E2F2: variants seen among roughly 807,000 people sequenced by gnomAD.
E2F2 encodes the protein transcription factor E2F2.
In E2F2, 22 loss-of-function variants were observed where a neutral mutation model predicts 42.2. The observed-to-expected ratio is 0.52, with a 90% confidence interval of 0.37 to 0.74. The LOEUF is 0.74. E2F2 is among the 30% of genes least tolerant of loss of function. The pLI, the probability that E2F2 is intolerant of heterozygous loss-of-function variation, is 0.00. For missense variants in E2F2, 481 were observed against 557.8 expected (o/e 0.86, Z 1.39); for synonymous variants, 248 against 251.6 (o/e 0.99, Z 0.13).
chr1:23,510,447 T>G (rs899873041), intron 6 of E2F2, among the ~76,000 whole-genome samples: 8 of 152,120 alleles, frequency 5.3e-5, no homozygotes, highest in Admixed American at 4.6e-4. Flanking sequence ...CACCTGAGCC[T>G]CCCGAGTAGC....
Position 23,526,147 on chromosome 1 carries a change from A to G in E2F2, c.253-1659T>C, listed in dbSNP as rs1473903101. Among the ~76,000 whole-genome samples, 4 of 151,942 alleles carry G rather than the reference A, an allele frequency of 2.6e-5. No homozygotes were observed. The East Asian group carries it at 7.7e-4, about 29-fold the overall frequency. ...AAACCATCCAAACACTTTACTGCTC[A>G]TTCTTGAATGAGTCTCTTGAATATT... On this transcript the variant is annotated intron_variant, in intron 1 of 6. Transcript: ENST00000361729.
At chr1:23,521,190 CTCTCAGGG>C in intron 3 of E2F2, 119 bp from the exon 4 acceptor site, 2 of 1,188,802 alleles carry the variant, frequency 1.7e-6, no homozygotes, top group Non-Finnish European at 2.2e-6. Context: ...TCATGCCTGT[CTCTCAGGG>C]AGCTACCAGG....
chr1:23,520,333 C>T (rs1235159205), intron 4 of E2F2, among the ~76,000 whole-genome samples: 6 of 147,974 alleles, frequency 4.1e-5, no homozygotes, highest in Non-Finnish European at 5.9e-5. Flanking sequence ...AAAACACATT[C>T]TGTGTGCAGT....
At chr1:23,511,447 G>T (rs984871553) in intron 6 of E2F2, among the ~76,000 whole-genome samples, 1 of 151,876 alleles carries the variant, frequency 6.6e-6, no homozygotes, top group African/African-American at 2.4e-5. Context: ...TGTTGCCCAG[G>T]CTGGTCTCGA....
chr1:23,524,786 G>A (rs1643222363), intron 1 of E2F2, among the ~76,000 whole-genome samples: 1 of 152,132 alleles, frequency 6.6e-6, no homozygotes, highest in African/African-American at 2.4e-5. Flanking sequence ...CTTAACCACG[G>A]GCCCTAAGCC....
Position 23,519,057 on chromosome 1 carries a change from C to A in E2F2, c.811G>T (p.Ala271Ser), listed in dbSNP as rs774301085. 6.8e-6 allele frequency: 11 copies of A among 1,613,924 alleles called. No individual in the cohort carries two copies. Among genetic ancestry groups the A allele is most frequent in the South Asian group, 2.2e-5 (2 of 91,040 alleles). ...ACTTCCAGTCTCGTCTGCGGAGGGG[C>A]CTTGACGGCAATCACTGTCTGCTCC... ...FKEQTVIAVKAPPQTRLEVPD... is the reference protein window; with the variant it reads ...FKEQTVIAVKSPPQTRLEVPD... The change falls in exon 5 of 7, where the codon GCC (alanine) becomes TCC (serine). Residue 271 changes from alanine to serine, a missense_variant. By Grantham distance (99) the Ala-to-Ser change is moderately conservative. Coordinates refer to ENST00000361729, the MANE Select transcript of E2F2 (RefSeq NM_004091.4).
At chr1:23,528,959 T>C (rs572806948) in intron 1 of E2F2, among the ~76,000 whole-genome samples, 1 of 152,240 alleles carries the variant, frequency 6.6e-6, no homozygotes, top group African/African-American at 2.4e-5. Context: ...ATGCCTGTAA[T>C]CCCAGCACTT....
chr1:23,513,572 G>A (rs1417008591), intron 6 of E2F2, among the ~76,000 whole-genome samples: 4 of 95,424 alleles, frequency 4.2e-5, no homozygotes, highest in Admixed American at 1.1e-4. Flanking sequence ...ATGTGTGTGT[G>A]TGTGTGTGTG....
At position 23,510,349 on chromosome 1, in the gene E2F2, C is replaced by T. The variant is rs141083336; in HGVS notation, c.1046-201G>A. 9.2e-5 allele frequency among the ~76,000 whole-genome samples: 14 copies of T among 152,002 alleles called. No individual in the cohort carries two copies. In the East Asian group the frequency reaches 2.1e-3, roughly 23 times the overall value. On this transcript the variant is annotated intron_variant, in intron 6 of 6. Transcript: ENST00000361729. Reference sequence around the variant, plus strand: ...CATGTATTTTTTATTTTTTTGAGACCGGGTCTCACTCTATCACCCAGGCTA... The same window carrying T: ...CATGTATTTTTTATTTTTTTGAGACTGGGTCTCACTCTATCACCCAGGCTA...
At chr1:23,520,860 A>T (rs755925950) in intron 4 of E2F2, 53 bp downstream of exon 4, 13 of 1,477,034 alleles carry the variant, frequency 8.8e-6, no homozygotes, top group Non-Finnish European at 1.2e-5. Context: ...GATAGATATA[A>T]ACATGCAACA....
chr1:23,516,494 C>T lies in E2F2; in HGVS notation c.886G>A (p.Gly296Arg). 1 of 1,609,036 alleles carries T rather than the reference C, an allele frequency of 6.2e-7. No individual in the cohort carries two copies. Residue 296 changes from glycine to arginine, a missense_variant, in exon 6 of 7, where the codon GGG becomes AGG. Gly to Arg is a moderately radical substitution (Grantham distance 125). Coordinates refer to ENST00000361729, the MANE Select transcript of E2F2 (RefSeq NM_004091.4). Reference sequence around the variant, plus strand: ...GGGCACAGGTAGACTTCGATGGGCCCTTGGGTGCTCTTGAGATATATCTGC... The same window carrying T: ...GGGCACAGGTAGACTTCGATGGGCCTTTGGGTGCTCTTGAGATATATCTGC... ...NLQIYLKSTQ[G>R]PIEVYLCPEE...
At chr1:23,511,474 A>G (rs1314824907) in intron 6 of E2F2, among the ~76,000 whole-genome samples, 4 of 151,372 alleles carry the variant, frequency 2.6e-5, no homozygotes, top group Non-Finnish European at 5.9e-5. Flanking sequence ...AGGCTCGAGC[A>G]ATCCTCCTGC....
chr1:23,512,683 G>C (rs1642933065), intron 6 of E2F2, among the ~76,000 whole-genome samples: 2 of 152,160 alleles, frequency 1.3e-5, no homozygotes, highest in Admixed American at 6.6e-5. Flanking sequence ...GCTGTCTCCT[G>C]CTGTTGATCA....
At chr1:23,528,243 T>G (rs972632876) in intron 1 of E2F2, among the ~76,000 whole-genome samples, 1 of 152,200 alleles carries the variant, frequency 6.6e-6, no homozygotes, top group African/African-American at 2.4e-5. Flanking sequence ...TGGCCTTCAT[T>G]CTGCCATTGA....
Position 23,529,107 on chromosome 1 carries a change from A to ACCCCAT in E2F2, c.252+1429_252+1434dup, listed in dbSNP as rs370470839. ...ACTGCCTTGTGAGTCCCATCACTCT[A>ACCCCAT]CCCCATCCCCATCTCTGACCTTAGG... On this transcript the variant is annotated intron_variant, in intron 1 of 6. Transcript: ENST00000361729. Among the ~76,000 whole-genome samples the ACCCCAT allele has an allele frequency of 5.6e-3, 853 of 152,104 alleles. 9 individuals are homozygous for ACCCCAT. Among genetic ancestry groups the ACCCCAT allele is most frequent in the African/African-American group, 0.019 (774 of 41,504 alleles).
intron 6 of E2F2, among the ~76,000 whole-genome samples, chr1:23,511,110 TC>T (rs1181756976): frequency 6.6e-6 from 1 of 152,110 alleles, no homozygotes; most frequent in South Asian, 2.1e-4. Flanking sequence ...CTGGGGTCTC[TC>T]CCCACCATGT....
rs1642797715 is a variant in E2F2 at position 23,506,505 on chromosome 1, GACCAGGCGAA to G, written c.*3365_*3374del. 3 of 152,264 alleles carry G rather than the reference GACCAGGCGAA, an allele frequency of 2.0e-5. No individual in the cohort carries two copies. In the East Asian group the frequency reaches 5.8e-4, roughly 29 times the overall value. 9.4% of individuals were successfully genotyped at this position (152,264 alleles called of 1,614,324 possible). A position where few individuals can be genotyped will look rare whatever the true frequency, so the allele number is the denominator to read the frequency against. On this transcript the variant is annotated 3_prime_UTR_variant, in exon 7 of 7. Transcript: ENST00000361729. ...GCTTACATGGTGCTCATAAAGACAC[GACCAGGCGAA>G]ACCAGGCCGGCAGGAAATGACCCGC...
chr1:23,521,843 T>A lies in E2F2; in HGVS notation c.572A>T (p.Gln191Leu). Residue 191 changes from glutamine to leucine, a missense_variant, in exon 3 of 7, where the codon CAG becomes CTG. Gln to Leu is a moderately radical substitution (Grantham distance 113). Transcript: ENST00000361729. Reference protein sequence around the residue: ...LIRKKAKNNIQWVGRGMFEDP... With the variant: ...LIRKKAKNNILWVGRGMFEDP... ...TGGCCGCCCAGGCACTCACACCCAC[T>A]GGATGTTGTTCTTGGCCTTCTTGCG... The A allele has an allele frequency of 6.2e-7, 1 of 1,613,884 alleles. No homozygotes were observed. Among genetic ancestry groups the A allele is most frequent in the Non-Finnish European group, 8.5e-7 (1 of 1,179,990 alleles).
intron 4 of E2F2, chr1:23,519,395 C>CCTG: frequency 3.8e-6 from 1 of 260,432 alleles, no homozygotes; most frequent in South Asian, 1.2e-4. Context: ...AAGGCTTCAT[C>CCTG]TCTCAAACTA....
Sources: gnomAD v4.1 joint callset for allele counts (sites outside exome capture counted in the v4.1 genomes callset) on GRCh38, gnomAD v4.1.1 for gene constraint, MANE v1.5 for transcripts, NCBI Gene and HGNC (gene_info 2026-07-23, HGNC 2026-07-21) for gene names.